The following IMMP2L variants were observed in gnomAD, a reference collection of about 807,000 sequenced individuals.
IMMP2L encodes inner mitochondrial membrane peptidase subunit 2.
A neutral mutation model predicts 19.3 loss-of-function variants in IMMP2L; 18 were observed. That is an observed-to-expected ratio of 0.93 (90% confidence interval 0.64 to 1.38). The LOEUF is 1.38. Ranked by LOEUF, IMMP2L falls within the 40% of genes most tolerant of loss-of-function variation. The pLI is 0.00. For missense variants in IMMP2L, 233 were observed against 218.2 expected (o/e 1.07, Z -0.43); for synonymous variants, 76 against 73.0 (o/e 1.04, Z -0.21).
intron 3 of IMMP2L, among the ~76,000 whole-genome samples, chr7:111,376,812 G>A (rs1353522231): frequency 3.9e-5 from 6 of 152,072 alleles, no homozygotes; most frequent in East Asian, 3.9e-4. Context: ...CACATATCAT[G>A]TAATTCCATT....
At chr7:111,453,715 C>A (rs1301983369) in intron 3 of IMMP2L, among the ~76,000 whole-genome samples, 1 of 152,108 alleles carries the variant, frequency 6.6e-6, no homozygotes, top group Non-Finnish European at 1.5e-5. Context: ...GTCTGGTTAT[C>A]CCTCACCAAT....
rs191880705 is a variant in IMMP2L at position 110,815,813 on chromosome 7, T to C, written c.408+70780A>G. Among the ~76,000 whole-genome samples, 162 of 152,244 alleles carry C rather than the reference T, an allele frequency of 1.1e-3. 4 individuals carry two copies. Among genetic ancestry groups the C allele is most frequent in the Admixed American group, 8.6e-3 (132 of 15,268 alleles). ...TATTTCTGTGGGATCGGTGGTGATA[T>C]CCCCTTTATCATTTTTTATTCCGTC... On this transcript the variant is annotated intron_variant, in intron 5 of 5. Coordinates refer to ENST00000405709, the MANE Select transcript of IMMP2L (RefSeq NM_032549.4).
chr7:111,345,632 G>A (rs1393238753), intron 3 of IMMP2L, among the ~76,000 whole-genome samples: 2 of 152,116 alleles, frequency 1.3e-5, no homozygotes, highest in Non-Finnish European at 2.9e-5. Flanking sequence ...AAACTGAGTT[G>A]ACTCATAGAA....
intron 5 of IMMP2L, among the ~76,000 whole-genome samples, chr7:110,807,918 T>C (rs945552537): frequency 6.6e-6 from 1 of 152,030 alleles, no homozygotes; most frequent in African/African-American, 2.4e-5. Context: ...ATTGGCTTAA[T>C]ATCTGTGTGT....
chr7:110,695,065 G>T (rs1176861763), intron 5 of IMMP2L, among the ~76,000 whole-genome samples: 1 of 152,172 alleles, frequency 6.6e-6, no homozygotes, highest in Non-Finnish European at 1.5e-5. Context: ...GTGAGGATAG[G>T]GAAATGGGGA....
At chr7:111,466,946 G>A (rs1840732835) in intron 3 of IMMP2L, among the ~76,000 whole-genome samples, 2 of 152,174 alleles carry the variant, frequency 1.3e-5, no homozygotes, top group Admixed American at 6.5e-5. Context: ...TCAGGGACTT[G>A]AGCATCTTTG....
At position 111,341,663 on chromosome 7, in the gene IMMP2L, G is replaced by A. The variant is rs564825164; in HGVS notation, c.239+145575C>T. ...TAAACATATCCTTGAAACCACAGAG[G>A]ATAGAGCTAGAACCAAAAAGGCAGA... On this transcript the variant is annotated intron_variant, in intron 3 of 5. Transcript: ENST00000405709. Among the ~76,000 whole-genome samples the A allele has an allele frequency of 1.3e-4, 20 of 152,198 alleles. No individual in the cohort carries two copies. The East Asian group carries it at 3.7e-3, about 28-fold the overall frequency.
chr7:111,065,764 A>C (rs1222200966), intron 3 of IMMP2L, among the ~76,000 whole-genome samples: 1 of 152,080 alleles, frequency 6.6e-6, no homozygotes, highest in African/African-American at 2.4e-5. Context: ...CAGCTTTGGG[A>C]CTTGGACTAT....
At chr7:110,922,085 T>C (rs1375366013) in intron 4 of IMMP2L, among the ~76,000 whole-genome samples, 1 of 152,190 alleles carries the variant, frequency 6.6e-6, no homozygotes, top group Non-Finnish European at 1.5e-5. Context: ...TCAGCTAGTG[T>C]GTTTCACAAC....
chr7:110,879,387 CA>C (rs35022284), intron 5 of IMMP2L, among the ~76,000 whole-genome samples: 22,086 of 141,992 alleles, frequency 0.16, 3,279 homozygotes, highest in African/African-American at 0.4. Context: ...GAATCTATCT[CA>C]AAAAAAAAAA....
intron 3 of IMMP2L, among the ~76,000 whole-genome samples, chr7:111,146,355 C>T (rs1803475612): frequency 6.6e-6 from 1 of 151,994 alleles, no homozygotes; most frequent in African/African-American, 2.4e-5. Context: ...ATATTAAATT[C>T]CCTTTCACTT....
At chr7:111,472,385 T>C (rs1841348390) in intron 3 of IMMP2L, among the ~76,000 whole-genome samples, 1 of 152,182 alleles carries the variant, frequency 6.6e-6, no homozygotes, top group Non-Finnish European at 1.5e-5. Context: ...CTCATTAATG[T>C]AATATTCATA....
intron 3 of IMMP2L, among the ~76,000 whole-genome samples, chr7:111,266,544 C>CAA (rs530670317): frequency 1.1e-3 from 102 of 88,720 alleles, no homozygotes; most frequent in Non-Finnish European, 1.2e-3. Flanking sequence ...CTATGTCTCC[C>CAA]AAAAAAAAAA....
intron 3 of IMMP2L, among the ~76,000 whole-genome samples, chr7:111,474,913 A>G (rs1170354058): frequency 3.9e-5 from 6 of 152,134 alleles, no homozygotes; most frequent in Admixed American, 3.9e-4. Context: ...GAGACATACT[A>G]TTCTTCACAC....
chr7:111,540,494 C>T lies in IMMP2L; in HGVS notation c.-2-19045G>A, dbSNP rs143727526. Among the ~76,000 whole-genome samples, 330 of 152,220 alleles carry T rather than the reference C, an allele frequency of 2.2e-3. 3 individuals carry two copies. Among genetic ancestry groups the T allele is most frequent in the African/African-American group, 7.5e-3 (312 of 41,518 alleles). On this transcript the variant is annotated intron_variant, in intron 1 of 5. Coordinates refer to ENST00000405709, the MANE Select transcript of IMMP2L (RefSeq NM_032549.4). ...ACATAAAATTATTCAAAAGCTCTAA[C>T]GAGGTGAGAAGCAACCAAACTTGAT...
At chr7:111,513,220 A>G (rs1024046889) in intron 2 of IMMP2L, among the ~76,000 whole-genome samples, 1 of 152,142 alleles carries the variant, frequency 6.6e-6, no homozygotes, top group African/African-American at 2.4e-5. Flanking sequence ...CATATATCTA[A>G]TAAGGGGTTA....
At chr7:110,831,338 A>G (rs765236196) in intron 5 of IMMP2L, among the ~76,000 whole-genome samples, 1 of 152,094 alleles carries the variant, frequency 6.6e-6, no homozygotes, top group African/African-American at 2.4e-5. Flanking sequence ...CCCCTCCCCT[A>G]GAAACATTCA....
At chr7:110,884,843 T>C (rs960685307) in intron 5 of IMMP2L, among the ~76,000 whole-genome samples, 2 of 152,064 alleles carry the variant, frequency 1.3e-5, no homozygotes, top group African/African-American at 4.8e-5. Context: ...TAGTATTTAT[T>C]ATCATCATTG....
At chr7:111,041,098 C>T (rs1217299950) in intron 3 of IMMP2L, among the ~76,000 whole-genome samples, 1 of 151,894 alleles carries the variant, frequency 6.6e-6, no homozygotes, top group East Asian at 1.9e-4. Flanking sequence ...GAAGATAATC[C>T]TGCTTAGGGA....
Sources: allele counts gnomAD v4.1 joint callset (sites outside exome capture counted in the v4.1 genomes callset), GRCh38; gene constraint gnomAD v4.1.1; transcripts MANE v1.5; gene names NCBI Gene and HGNC (gene_info 2026-07-23, HGNC 2026-07-21).